The following CSMD1 variants were observed in gnomAD, a reference collection of about 807,000 sequenced individuals.
CSMD1 encodes the protein CUB and sushi domain-containing protein 1.
CSMD1 carries 213 observed loss-of-function variants against 417.5 expected under a neutral mutation model. That is an observed-to-expected ratio of 0.51 (90% CI 0.46 to 0.57). CSMD1 has a LOEUF of 0.57. Among genes scored for constraint, CSMD1 ranks in the 20% least tolerant of loss-of-function variants. CSMD1 has a pLI of 0.00. For missense variants in CSMD1, 6,923 were observed against 4,529.7 expected (o/e 1.53, Z -15.17); for synonymous variants, 2,862 against 1,736.8 (o/e 1.65, Z -16.11).
Position 4,125,225 on chromosome 8 carries a change from G to C in CSMD1, c.416-93126C>G, listed in dbSNP as rs184005072. On this transcript the variant is annotated intron_variant, in intron 3 of 69. Transcript: ENST00000635120. ...AAAGGGAAAGGTCGAGCTGGGAACTGCTTAGGGCCAACCTGCCTCCCATTC... is the reference window on the plus strand; with the variant it reads ...AAAGGGAAAGGTCGAGCTGGGAACTCCTTAGGGCCAACCTGCCTCCCATTC... Among the ~76,000 whole-genome samples, 660 of 152,256 alleles carry C rather than the reference G, an allele frequency of 4.3e-3. 8 individuals carry two copies. The highest frequency in any genetic ancestry group is 0.015 in the African/African-American group (625 of 41,550).
At chr8:4,925,969 T>C (rs900268135) in intron 1 of CSMD1, among the ~76,000 whole-genome samples, 1 of 152,232 alleles carries the variant, frequency 6.6e-6, no homozygotes, top group Non-Finnish European at 1.5e-5. Flanking sequence ...TGTTTTCCTA[T>C]TACAGTTTTA....
At chr8:3,918,580 C>A (rs962340921) in intron 5 of CSMD1, among the ~76,000 whole-genome samples, 1 of 151,982 alleles carries the variant, frequency 6.6e-6, no homozygotes, top group Non-Finnish European at 1.5e-5. Flanking sequence ...ATATTTTGGA[C>A]ATTAACCCCT....
At chr8:3,840,448 A>T (rs541327745) in intron 5 of CSMD1, among the ~76,000 whole-genome samples, 4 of 152,284 alleles carry the variant, frequency 2.6e-5, no homozygotes, top group African/African-American at 9.6e-5. Context: ...TAGCAAGAGT[A>T]CCTCTTGCCC....
At chr8:3,064,363 A>G (rs1812781788) in intron 49 of CSMD1, among the ~76,000 whole-genome samples, 1 of 152,188 alleles carries the variant, frequency 6.6e-6, no homozygotes, top group Admixed American at 6.5e-5. Context: ...AGCCTGTGGC[A>G]TTTCGCCCCT....
chr8:3,708,334 G>C, intron 7 of CSMD1, 80 bp downstream of exon 7: 3 of 1,137,552 alleles, frequency 2.6e-6, no homozygotes, highest in East Asian at 2.4e-5. Flanking sequence ...GTGGTGGGTG[G>C]GATCGCTTCT....
At chr8:3,279,081 G>A (rs1385646982) in intron 26 of CSMD1, 1 of 152,238 alleles carries the variant, frequency 6.6e-6, no homozygotes, top group Non-Finnish European at 1.5e-5. Context: ...TCCCAGAAGT[G>A]GCAAGCTACA....
chr8:3,003,871 T>C (rs373053602), intron 52 of CSMD1, among the ~76,000 whole-genome samples: 2 of 152,208 alleles, frequency 1.3e-5, no homozygotes, highest in African/African-American at 4.8e-5. Flanking sequence ...AGAAATGTTA[T>C]ATATTTTTAA....
chr8:3,551,891 G>A (rs965879489), intron 10 of CSMD1, among the ~76,000 whole-genome samples: 2 of 152,122 alleles, frequency 1.3e-5, no homozygotes, highest in Non-Finnish European at 1.5e-5. Flanking sequence ...ATCATGCTGA[G>A]TGTGGCATGT....
chr8:4,825,515 C>A (rs1040085470), intron 1 of CSMD1, among the ~76,000 whole-genome samples: 1 of 151,966 alleles, frequency 6.6e-6, no homozygotes, highest in African/African-American at 2.4e-5. Flanking sequence ...CTTCCCCTGG[C>A]CCCTGGTAAA....
intron 3 of CSMD1, among the ~76,000 whole-genome samples, chr8:4,254,098 T>C (rs968053417): frequency 6.6e-6 from 1 of 151,804 alleles, no homozygotes; most frequent in Admixed American, 6.6e-5. Context: ...TTTGTGTTTT[T>C]AGTAGAGACA....
chr8:3,267,302 A>AT (rs1468263516), intron 26 of CSMD1, among the ~76,000 whole-genome samples: 1 of 152,216 alleles, frequency 6.6e-6, no homozygotes, highest in Non-Finnish European at 1.5e-5. Context: ...ACAAGGCGTG[A>AT]TATCCCACTG....
chr8:3,853,862 T>C (rs1353304433), intron 5 of CSMD1, among the ~76,000 whole-genome samples: 1 of 147,854 alleles, frequency 6.8e-6, no homozygotes, highest in Non-Finnish European at 1.5e-5. Flanking sequence ...TAAAACTTAA[T>C]ATATTATACT....
intron 3 of CSMD1, among the ~76,000 whole-genome samples, chr8:4,062,977 G>T (rs975484314): frequency 7.2e-5 from 11 of 151,956 alleles, no homozygotes; most frequent in African/African-American, 2.7e-4. Context: ...AAAGGAATAA[G>T]GAAATAGGTA....
chr8:3,677,342 G>T (rs1213344449), intron 7 of CSMD1, among the ~76,000 whole-genome samples: 2 of 152,154 alleles, frequency 1.3e-5, no homozygotes, highest in Non-Finnish European at 2.9e-5. Context: ...CCTTTTAAAA[G>T]TAATTCTTGA....
intron 1 of CSMD1, among the ~76,000 whole-genome samples, chr8:4,941,344 G>A (rs1430047536): frequency 6.6e-6 from 1 of 152,014 alleles, no homozygotes; most frequent in Non-Finnish European, 1.5e-5. Context: ...TAAATGTTTT[G>A]AGTACTAAAA....
intron 1 of CSMD1, among the ~76,000 whole-genome samples, chr8:4,691,138 T>G (rs917235351): frequency 2.6e-5 from 4 of 152,226 alleles, no homozygotes; most frequent in Non-Finnish European, 5.9e-5. Context: ...GAGGACATTT[T>G]AACTGCAAGG....
chr8:4,930,262 TAAAAC>T, intron 1 of CSMD1, among the ~76,000 whole-genome samples: 1 of 152,310 alleles, frequency 6.6e-6, no homozygotes, highest in African/African-American at 2.4e-5. Flanking sequence ...ACACAAATAT[TAAAAC>T]AAAATTTATT....
At chr8:3,242,202 G>T (rs934885184) in intron 26 of CSMD1, among the ~76,000 whole-genome samples, 15 of 151,998 alleles carry the variant, frequency 9.9e-5, no homozygotes, top group African/African-American at 1.5e-4. Context: ...ACAGTAAGCT[G>T]GACCAGGTGT....
intron 8 of CSMD1, among the ~76,000 whole-genome samples, chr8:3,611,100 G>A (rs1459885030): frequency 1.9e-5 from 2 of 102,590 alleles, no homozygotes; most frequent in South Asian, 8.4e-4. Context: ...GGGGAGGGGG[G>A]AGGGATAGCA....
Sources: gnomAD v4.1 joint callset for allele counts (sites outside exome capture counted in the v4.1 genomes callset) on GRCh38, gnomAD v4.1.1 for gene constraint, MANE v1.5 for transcripts, NCBI Gene and HGNC (gene_info 2026-07-23, HGNC 2026-07-21) for gene names.